PPP3CA: variants seen among roughly 807,000 people sequenced by gnomAD.
PPP3CA encodes protein phosphatase 3 catalytic subunit alpha, also known as CAM-PRP catalytic subunit.
PPP3CA carries 14 observed loss-of-function variants against 66.5 expected under a neutral mutation model. That is an observed-to-expected ratio of 0.21 (90% CI 0.14 to 0.33). PPP3CA has a LOEUF of 0.33. Among genes scored for constraint, PPP3CA ranks in the 10% least tolerant of loss-of-function variants. The probability of loss-of-function intolerance (pLI) is 1.00; values close to 1 mark genes in which losing one functional copy is unlikely to be tolerated. For missense variants in PPP3CA, 317 were observed against 639.5 expected (o/e 0.50, Z 5.44); for synonymous variants, 232 against 226.2 (o/e 1.03, Z -0.23).
intron 1 of PPP3CA, among the ~76,000 whole-genome samples, chr4:101,227,278 C>T (rs1328086703): frequency 6.6e-6 from 1 of 151,800 alleles, no homozygotes; most frequent in Non-Finnish European, 1.5e-5. Context: ...TAAAGTTCAA[C>T]TAAATCTTTC....
Position 101,330,015 on chromosome 4 carries a change from T to C in PPP3CA, c.58+16724A>G, listed in dbSNP as rs80018041. On this transcript the variant is annotated intron_variant, in intron 1 of 13. Transcript: ENST00000394854. The stretch of plus-strand genomic sequence containing the variant: ...TGTACTATTTAAGAAATATATCTCA[T>C]AAGACTGTCACTGCCATACATAGTG... Among the ~76,000 whole-genome samples the C allele has an allele frequency of 6.4e-4, 97 of 152,260 alleles. 3 individuals carry two copies. The East Asian group carries it at 0.017, about 27-fold the overall frequency.
Position 101,080,426 on chromosome 4 carries a change from A to T in PPP3CA, c.955+106T>A, listed in dbSNP as rs3730255. On this transcript the variant is annotated intron_variant, in intron 8 of 13. Transcript: ENST00000394854. ...ATGAAACAATAACTGAAAAAATTTT[A>T]AAAAAAAAGACTGGTTAAAATACTT... 770 of 467,540 alleles carry T rather than the reference A, an allele frequency of 1.6e-3. 2 individuals are homozygous for T. Among genetic ancestry groups the T allele is most frequent in the African/African-American group, 7.1e-3 (351 of 49,284 alleles). 29.0% of individuals were successfully genotyped at this position (467,540 alleles called of 1,614,324 possible).
intron 8 of PPP3CA, among the ~76,000 whole-genome samples, chr4:101,064,347 A>C (rs923768650): frequency 6.6e-6 from 1 of 151,922 alleles, no homozygotes; most frequent in Non-Finnish European, 1.5e-5. Context: ...CATATTTAAT[A>C]TTTAATGTCA....
intron 1 of PPP3CA, among the ~76,000 whole-genome samples, chr4:101,204,101 G>A (rs1240317130): frequency 6.6e-6 from 1 of 151,920 alleles, no homozygotes; most frequent in Admixed American, 6.6e-5. Flanking sequence ...AACCTCCTGA[G>A]CTCAACCAAT....
At chr4:101,284,517 A>G (rs1727777074) in intron 1 of PPP3CA, among the ~76,000 whole-genome samples, 1 of 152,236 alleles carries the variant, frequency 6.6e-6, no homozygotes, top group African/African-American at 2.4e-5. Context: ...ACAAGATAAA[A>G]AAGATACCAA....
chr4:101,258,102 A>G (rs1446169391), intron 1 of PPP3CA, among the ~76,000 whole-genome samples: 2 of 152,136 alleles, frequency 1.3e-5, no homozygotes, highest in Non-Finnish European at 2.9e-5. Flanking sequence ...CCAAAACAAT[A>G]CACAACCAGT....
chr4:101,212,248 C>T (rs974911545), intron 1 of PPP3CA, among the ~76,000 whole-genome samples: 3 of 152,074 alleles, frequency 2.0e-5, no homozygotes, highest in Admixed American at 2.0e-4. Context: ...ATTGGTCTAA[C>T]AGGATGGAAC....
intron 1 of PPP3CA, among the ~76,000 whole-genome samples, chr4:101,199,181 C>T (rs1242338905): frequency 6.6e-6 from 1 of 152,216 alleles, no homozygotes; most frequent in Non-Finnish European, 1.5e-5. Context: ...TTTCTCTATT[C>T]ACCTAGAATC....
chr4:101,045,740 G>A (rs1252322799), intron 10 of PPP3CA, among the ~76,000 whole-genome samples: 4 of 152,084 alleles, frequency 2.6e-5, no homozygotes, highest in African/African-American at 9.7e-5. Flanking sequence ...CAAACAAGAA[G>A]TTTAGATATT....
At chr4:101,100,293 G>A (rs1387108527) in intron 3 of PPP3CA, among the ~76,000 whole-genome samples, 2 of 151,994 alleles carry the variant, frequency 1.3e-5, no homozygotes, top group African/African-American at 4.8e-5. Flanking sequence ...GGCTGAGCTT[G>A]TCAATGCTTT....
At chr4:101,033,283 CACACACACAA>C (rs879565063) in intron 11 of PPP3CA, among the ~76,000 whole-genome samples, 1,557 of 89,616 alleles carry the variant, frequency 0.017, 10 homozygotes, top group Admixed American at 0.025. Flanking sequence ...GAGACACACA[CACACACACAA>C]ACACACACAC....
At chr4:101,224,887 C>A (rs1367537888) in intron 1 of PPP3CA, among the ~76,000 whole-genome samples, 2 of 151,718 alleles carry the variant, frequency 1.3e-5, no homozygotes, top group African/African-American at 4.8e-5. Flanking sequence ...ACAAGGTATT[C>A]TATGATCTTC....
chr4:101,190,030 G>A (rs777962107), intron 2 of PPP3CA, among the ~76,000 whole-genome samples: 6 of 152,068 alleles, frequency 3.9e-5, no homozygotes, highest in Non-Finnish European at 8.8e-5. Flanking sequence ...TTGGAAACAT[G>A]AGTATAAAAA....
At chr4:101,135,211 A>G (rs913880247) in intron 2 of PPP3CA, among the ~76,000 whole-genome samples, 8 of 150,198 alleles carry the variant, frequency 5.3e-5, no homozygotes, top group Non-Finnish European at 7.4e-5. Context: ...CAGAACTTAA[A>G]GTATAATAAC....
At chr4:101,249,145 C>T (rs1247901561) in intron 1 of PPP3CA, among the ~76,000 whole-genome samples, 1 of 147,726 alleles carries the variant, frequency 6.8e-6, no homozygotes, top group African/African-American at 2.5e-5. Context: ...CCGGCCTGGG[C>T]GACAGAGCGA....
At chr4:101,170,491 A>C (rs1723841567) in intron 2 of PPP3CA, among the ~76,000 whole-genome samples, 1 of 152,176 alleles carries the variant, frequency 6.6e-6, no homozygotes, top group Non-Finnish European at 1.5e-5. Context: ...ACTACAAATA[A>C]ATAAATGGAA....
chr4:101,089,733 A>G (rs1311475740), intron 6 of PPP3CA, among the ~76,000 whole-genome samples: 1 of 152,154 alleles, frequency 6.6e-6, no homozygotes. Flanking sequence ...AAGTATCTCA[A>G]CTATCTGCCT....
intron 1 of PPP3CA, among the ~76,000 whole-genome samples, chr4:101,291,783 C>G (rs1005364390): frequency 6.6e-6 from 1 of 152,014 alleles, no homozygotes; most frequent in African/African-American, 2.4e-5. Flanking sequence ...TTTGGAATGG[C>G]CCACAACTTC....
intron 1 of PPP3CA, among the ~76,000 whole-genome samples, chr4:101,325,964 C>A (rs889968191): frequency 6.6e-6 from 1 of 152,092 alleles, no homozygotes; most frequent in African/African-American, 2.4e-5. Flanking sequence ...CATGGCAAAA[C>A]CCTATCTCTA....
Sources: gnomAD v4.1 joint callset for allele counts (sites outside exome capture counted in the v4.1 genomes callset) on GRCh38, gnomAD v4.1.1 for gene constraint, MANE v1.5 for transcripts, NCBI Gene and HGNC (gene_info 2026-07-23, HGNC 2026-07-21) for gene names.